ICA1: variants seen among roughly 807,000 people sequenced by gnomAD.
ICA1 encodes the protein 69 kDa islet cell autoantigen.
Under a neutral mutation model 71.0 loss-of-function variants are expected in ICA1, and 40 were observed. The ratio of observed to expected loss-of-function variants is 0.56; its 90% CI spans 0.44 to 0.73. The LOEUF (loss-of-function observed/expected upper bound fraction) is 0.73. ICA1 is among the 30% of genes least tolerant of loss of function. The pLI is 0.00. For missense variants in ICA1, 578 were observed against 576.5 expected (o/e 1.00, Z -0.03); for synonymous variants, 207 against 209.5 (o/e 0.99, Z 0.10).
At chr7:8,213,790 C>T (rs545961934) in intron 6 of ICA1, among the ~76,000 whole-genome samples, 3 of 152,048 alleles carry the variant, frequency 2.0e-5, no homozygotes, top group Non-Finnish European at 4.4e-5. Flanking sequence ...GACTGATGGC[C>T]CTAATAAGGT....
At chr7:8,187,114 ATGT>A (rs1372643194) in intron 6 of ICA1, among the ~76,000 whole-genome samples, 1 of 152,218 alleles carries the variant, frequency 6.6e-6, no homozygotes, top group Non-Finnish European at 1.5e-5. Context: ...TCTCAGAAAC[ATGT>A]TGTTAGGTGA....
intron 1 of ICA1, among the ~76,000 whole-genome samples, chr7:8,241,495 G>T (rs1190093510): frequency 6.6e-6 from 1 of 152,336 alleles, no homozygotes; most frequent in East Asian, 1.9e-4. Context: ...ATGCTAGGAA[G>T]AAACTGCATC....
At chr7:8,170,066 T>G (rs1378883771) in intron 6 of ICA1, among the ~76,000 whole-genome samples, 5 of 152,030 alleles carry the variant, frequency 3.3e-5, no homozygotes, top group African/African-American at 1.2e-4. Context: ...ACACATGGTG[T>G]GGGACAAAGA....
rs1432614558 is a variant in ICA1, at chr7:8,123,872, C to T, written c.1330+4001G>A. 6.6e-6 allele frequency among the ~76,000 whole-genome samples: 1 copy of T among 152,230 alleles called. No individual in the cohort carries two copies. The highest frequency in any genetic ancestry group is 2.4e-5 in the African/African-American group (1 of 41,476). On this transcript the variant is annotated intron_variant, in intron 13 of 13. Transcript: ENST00000402384. This position sits in a 1 kb window ranked among gnomAD's most constrained non-coding sequence, Gnocchi z 4.1. ...GGATTCTGGAGTCCGGCTGCCTGGG[C>T]TCAAAATCCGGCCTGCCCGTTAACA...
At position 8,234,312 on chromosome 7, in the gene ICA1, G is replaced by A. The variant is rs1026539968; in HGVS notation, c.18-1557C>T. Among the ~76,000 whole-genome samples the A allele has an allele frequency of 6.6e-5, 10 of 152,190 alleles. No homozygotes were observed. Among genetic ancestry groups the A allele is most frequent in the Admixed American group, 3.9e-4 (6 of 15,282 alleles). ...AAAGTGATTGGAGTACCCCAAATAT[G>A]GCTGGAAAGTTTGCTGATGGAGTTC... On this transcript the variant is annotated intron_variant, in intron 2 of 13. Coordinates refer to ENST00000402384, the MANE Select transcript of ICA1 (RefSeq NM_001136020.3). The surrounding 1 kb of genome is among the most constrained non-coding windows in gnomAD (Gnocchi z 4.5).
intron 6 of ICA1, among the ~76,000 whole-genome samples, chr7:8,196,024 T>G (rs1407164522): frequency 6.7e-6 from 1 of 150,062 alleles, no homozygotes; most frequent in Non-Finnish European, 1.5e-5. Flanking sequence ...CCAAAAACAA[T>G]AACAACAAAA....
intron 6 of ICA1, among the ~76,000 whole-genome samples, chr7:8,200,372 A>G (rs573357195): frequency 6.0e-5 from 9 of 150,854 alleles, no homozygotes; most frequent in African/African-American, 2.2e-4. Flanking sequence ...AACAATTACA[A>G]AACAATATAT....
intron 1 of ICA1, among the ~76,000 whole-genome samples, chr7:8,250,896 T>C (rs1316555703): frequency 6.6e-6 from 1 of 152,198 alleles, no homozygotes; most frequent in East Asian, 1.9e-4. Context: ...GATATTTTCT[T>C]TTATTAAAGA....
At chr7:8,122,352 G>A (rs1036762305) in intron 13 of ICA1, among the ~76,000 whole-genome samples, 23 of 152,210 alleles carry the variant, frequency 1.5e-4, no homozygotes, top group Non-Finnish European at 2.8e-4. Context: ...TTATTCAAAT[G>A]GTGGAACAAC....
At chr7:8,151,860 A>C (rs1301398969) in intron 8 of ICA1, among the ~76,000 whole-genome samples, 1 of 152,188 alleles carries the variant, frequency 6.6e-6, no homozygotes, top group Non-Finnish European at 1.5e-5. Flanking sequence ...TAAGACCTAC[A>C]CCCCAAGAGA....
At chr7:8,133,620 C>G (rs950981258) in intron 12 of ICA1, among the ~76,000 whole-genome samples, 10 of 152,134 alleles carry the variant, frequency 6.6e-5, no homozygotes, top group Non-Finnish European at 1.3e-4. Flanking sequence ...TGTGAGATTA[C>G]TCATTTACTC....
chr7:8,212,662 G>A (rs541306585), intron 6 of ICA1, among the ~76,000 whole-genome samples: 9 of 152,250 alleles, frequency 5.9e-5, no homozygotes, highest in Admixed American at 4.6e-4. Context: ...TAGGCCTATC[G>A]GACCTATCCA....
At chr7:8,259,308 T>C (rs1425086684) in intron 1 of ICA1, among the ~76,000 whole-genome samples, 1 of 152,216 alleles carries the variant, frequency 6.6e-6, no homozygotes, top group Admixed American at 6.5e-5. Flanking sequence ...TACTGGTCCA[T>C]GGACCACGTT....
intron 8 of ICA1, among the ~76,000 whole-genome samples, chr7:8,148,550 T>G (rs1329178701): frequency 6.6e-6 from 1 of 152,218 alleles, no homozygotes; most frequent in Non-Finnish European, 1.5e-5. Context: ...CTTGATTGTA[T>G]AATCAGCCTA....
At chr7:8,188,505 T>G (rs896513522) in intron 6 of ICA1, among the ~76,000 whole-genome samples, 1 of 152,234 alleles carries the variant, frequency 6.6e-6, no homozygotes, top group African/African-American at 2.4e-5. Flanking sequence ...TTATGCCACC[T>G]TCCAAATGAC....
chr7:8,225,967 C>T (rs1798471423), intron 4 of ICA1, among the ~76,000 whole-genome samples: 1 of 152,132 alleles, frequency 6.6e-6, no homozygotes, highest in Admixed American at 6.6e-5. Flanking sequence ...TGTTTAGCCT[C>T]AGTATCTAGT....
At chr7:8,204,338 C>T (rs1448102595) in intron 6 of ICA1, among the ~76,000 whole-genome samples, 2 of 152,320 alleles carry the variant, frequency 1.3e-5, no homozygotes, top group Non-Finnish European at 2.9e-5. Flanking sequence ...TTCTAGTTCA[C>T]ACGTATGGCT....
chr7:8,200,629 G>A (rs900445010), intron 6 of ICA1, among the ~76,000 whole-genome samples: 1 of 152,122 alleles, frequency 6.6e-6, no homozygotes. Flanking sequence ...CTCATGGAAA[G>A]GGAGCAAAAA....
intron 13 of ICA1, among the ~76,000 whole-genome samples, chr7:8,124,051 C>G (rs957111003): frequency 6.6e-6 from 1 of 151,948 alleles, no homozygotes; most frequent in African/African-American, 2.4e-5. Flanking sequence ...TAGCACGTGC[C>G]ACACTGAGTG....
Sources: allele counts gnomAD v4.1 joint callset (sites outside exome capture counted in the v4.1 genomes callset), GRCh38; gene constraint gnomAD v4.1.1; non-coding constraint Gnocchi (gnomAD v3.1); transcripts MANE v1.5; gene names NCBI Gene and HGNC (gene_info 2026-07-23, HGNC 2026-07-21).